Variants in ATXN2 observed in about 807,000 individuals in gnomAD.
ATXN2 encodes ataxin-2.
A neutral mutation model predicts 138.6 loss-of-function variants in ATXN2; 37 were observed. That is an observed-to-expected ratio of 0.27 (90% CI 0.21 to 0.35). The LOEUF is 0.35. Among genes scored for constraint, ATXN2 ranks in the 10% least tolerant of loss-of-function variants. The pLI is 1.00. For missense variants in ATXN2, 1,216 were observed against 1,480.3 expected (o/e 0.82, Z 2.93); for synonymous variants, 549 against 543.7 (o/e 1.01, Z -0.13).
chr12:111,592,414 G>A (rs1884715139), intron 1 of ATXN2, among the ~76,000 whole-genome samples: 1 of 150,946 alleles, frequency 6.6e-6, no homozygotes, highest in Non-Finnish European at 1.5e-5. Context: ...CCCTTAGATG[G>A]TAACAGTAAC....
Position 111,552,692 on chromosome 12 carries a change from C to T in ATXN2, c.420+214G>A, listed in dbSNP as rs1882186113. ...AGAGGAAAAAACAAACCACCACATC[C>T]CTCTATTAGCTCACAATGCTTAAAA... On this transcript the variant is annotated intron_variant, in intron 4 of 24. Coordinates refer to ENST00000673436, the MANE Select transcript of ATXN2 (RefSeq NM_001372574.1). The surrounding 1 kb of genome is among the most constrained non-coding windows in gnomAD (Gnocchi z 4.1). The T allele has an allele frequency of 5.5e-6, 3 of 540,892 alleles. No homozygotes were observed. Among genetic ancestry groups the T allele is most frequent in the Non-Finnish European group, 9.4e-6 (3 of 320,294 alleles). The allele number at this position is 540,892 out of a possible 1,614,324, so 33.5% of individuals were successfully genotyped here. A position where few individuals can be genotyped will look rare whatever the true frequency, so the allele number is the denominator to read the frequency against.
At chr12:111,513,738 T>C (rs1335830640) in intron 10 of ATXN2, among the ~76,000 whole-genome samples, 199 bp from the exon 11 acceptor site, 1 of 151,778 alleles carries the variant, frequency 6.6e-6, no homozygotes, top group African/African-American at 2.4e-5. Context: ...TTTTGTGGAA[T>C]GCCACAAAGT....
At chr12:111,554,253 T>G (rs1184776605) in intron 2 of ATXN2, 36 bp from the exon 3 acceptor site, 2 of 1,276,410 alleles carry the variant, frequency 1.6e-6, no homozygotes, top group Admixed American at 3.1e-5. Flanking sequence ...TATTAGAAAT[T>G]AGTACAAACT....
intron 13 of ATXN2, 97 bp downstream of exon 13, chr12:111,509,791 TAAG>T: frequency 9.8e-7 from 1 of 1,022,708 alleles, no homozygotes. Flanking sequence ...ATCACAATAG[TAAG>T]AAGAAATGTT....
At chr12:111,540,661 T>C (rs1881449586) in intron 5 of ATXN2, among the ~76,000 whole-genome samples, 1 of 150,070 alleles carries the variant, frequency 6.7e-6, no homozygotes, top group East Asian at 1.9e-4. Context: ...TGGCATGTCT[T>C]TTTAAATGTA....
At position 111,493,418 on chromosome 12, in the gene ATXN2, C is replaced by CAAAAAAAA. The variant is rs59185968; in HGVS notation, c.1936-4646_1936-4639dup. Among the ~76,000 whole-genome samples, 266 of 45,626 alleles carry CAAAAAAAA rather than the reference C, an allele frequency of 5.8e-3. 31 individuals are homozygous for CAAAAAAAA. Among genetic ancestry groups the CAAAAAAAA allele is most frequent in the African/African-American group, 0.025 (250 of 10,008 alleles). 29.9% of individuals were successfully genotyped at this position (45,626 alleles called of 152,430 possible). A position where few individuals can be genotyped will look rare whatever the true frequency, so the allele number is the denominator to read the frequency against. The stretch of plus-strand genomic sequence containing the variant: ...CTGGTAACAGAGCATGACTCTGTCT[C>CAAAAAAAA]AAAAAAAAAAAAAAAAAAAAAAAGT... On this transcript the variant is annotated intron_variant, in intron 14 of 24. Coordinates refer to ENST00000673436, the MANE Select transcript of ATXN2 (RefSeq NM_001372574.1).
intron 10 of ATXN2, among the ~76,000 whole-genome samples, chr12:111,515,455 C>G (rs909660315): frequency 7.2e-5 from 11 of 152,142 alleles, no homozygotes; most frequent in African/African-American, 2.4e-4. Flanking sequence ...GCGCCAAATA[C>G]TGAATAAGAA....
intron 1 of ATXN2, among the ~76,000 whole-genome samples, chr12:111,580,247 A>G (rs1883920197): frequency 6.6e-6 from 1 of 151,980 alleles, no homozygotes. Context: ...TTGGGAGGCC[A>G]AGGCAAGAGT....
chr12:111,514,033 G>A (rs574513079), intron 10 of ATXN2, among the ~76,000 whole-genome samples: 2 of 151,578 alleles, frequency 1.3e-5, no homozygotes, highest in African/African-American at 4.8e-5. Context: ...TATACACCCC[G>A]ATACCACTAA....
chr12:111,537,634 G>A (rs1305944603), intron 5 of ATXN2, among the ~76,000 whole-genome samples: 2 of 151,154 alleles, frequency 1.3e-5, no homozygotes, highest in Admixed American at 6.6e-5. Flanking sequence ...CCATTAATAC[G>A]CAATGTCCAG....
intron 5 of ATXN2, among the ~76,000 whole-genome samples, chr12:111,541,120 G>A (rs973887334): frequency 1.3e-5 from 2 of 149,920 alleles, no homozygotes; most frequent in Non-Finnish European, 3.0e-5. Context: ...ATTTGCTCCA[G>A]TGTAGTCTGG....
Position 111,552,476 on chromosome 12 carries a change from A to C in ATXN2, c.421-46T>G. 1.9e-6 allele frequency: 3 copies of C among 1,554,192 alleles called. No homozygotes were observed. In the African/African-American group the frequency reaches 4.2e-5, roughly 22 times the overall value. ...AAGTACTCCAAACCTTTACAAAATA[A>C]AATTTGTTAGGAATTCTTTAGCTCA... On this transcript the variant is annotated intron_variant, in intron 4 of 24. Transcript: ENST00000673436. This position sits in a 1 kb window ranked among gnomAD's most constrained non-coding sequence, Gnocchi z 4.1.
At chr12:111,527,514 CTCT>C (rs895010807) in intron 5 of ATXN2, among the ~76,000 whole-genome samples, 3 of 152,332 alleles carry the variant, frequency 2.0e-5, no homozygotes. Context: ...TAATTCTAAC[CTCT>C]TCTTATCCCA....
chr12:111,470,110 T>C lies in ATXN2; in HGVS notation c.2840A>G (p.Tyr947Cys), dbSNP rs756016863. 3.1e-6 allele frequency: 5 copies of C among 1,613,656 alleles called. No individual in the cohort carries two copies. The highest frequency in any genetic ancestry group is 2.5e-6 in the Non-Finnish European group (3 of 1,179,796). Residue 947 changes from tyrosine to cysteine, a missense_variant and splice_region_variant, in exon 20 of 25, where the codon TAT (tyrosine) becomes TGT (cysteine). Tyr to Cys is a radical substitution (Grantham distance 194). Coordinates refer to ENST00000673436, the MANE Select transcript of ATXN2 (RefSeq NM_001372574.1). ...GAGACAAACAAAGTGCTTCCTACCA[T>C]ACATCGCATGCGTCTGCTCATGAGC... ...YGAHEQTHAMYACPKLPYNKE... is the reference protein window; with the variant it reads ...YGAHEQTHAMCACPKLPYNKE...
At chr12:111,495,439 G>T (rs1403791510) in intron 14 of ATXN2, among the ~76,000 whole-genome samples, 1 of 151,914 alleles carries the variant, frequency 6.6e-6, no homozygotes, top group East Asian at 1.9e-4. Flanking sequence ...GAAAAGAACA[G>T]GAGTAGCTAT....
At chr12:111,455,432 C>T in intron 23 of ATXN2, 1 of 341,316 alleles carries the variant, frequency 2.9e-6, no homozygotes, top group Non-Finnish European at 5.6e-6. Context: ...TCCAGGGCTG[C>T]TCTTAAAGAA....
At position 111,464,683 on chromosome 12, in the gene ATXN2, T is replaced by C. The variant is rs1205897720; in HGVS notation, c.2875A>G (p.Ser959Gly). The C allele has an allele frequency of 6.2e-7, 1 of 1,611,490 alleles. No individual in the cohort carries two copies. The highest frequency in any genetic ancestry group is 2.2e-5 in the East Asian group (1 of 44,770). ...CPKLPYNKET[S>G]PSFYFAISTG... The stretch of plus-strand genomic sequence containing the variant: ...TCACTGGCAAAGTAGAAAGAAGGGC[T>C]TGTCTCCTTGTTGTATGGTAATTTG... Residue 959 changes from serine to glycine, a missense_variant, in exon 21 of 25, where the codon AGC becomes GGC. Physicochemically the swap from Ser to Gly is moderately conservative, Grantham distance 56. Transcript: ENST00000673436.
At chr12:111,520,299 T>C (rs1234033295) in intron 7 of ATXN2, among the ~76,000 whole-genome samples, 1 of 152,240 alleles carries the variant, frequency 6.6e-6, no homozygotes, top group Non-Finnish European at 1.5e-5. Flanking sequence ...TTTCAAAAAC[T>C]GGTTAAACTG....
At chr12:111,582,558 T>C (rs893183651) in intron 1 of ATXN2, among the ~76,000 whole-genome samples, 1 of 152,108 alleles carries the variant, frequency 6.6e-6, no homozygotes, top group Non-Finnish European at 1.5e-5. Flanking sequence ...CAATAAGCCA[T>C]GATCACAATA....
Sources: allele counts gnomAD v4.1 joint callset (sites outside exome capture counted in the v4.1 genomes callset), GRCh38; gene constraint gnomAD v4.1.1; non-coding constraint Gnocchi (gnomAD v3.1); transcripts MANE v1.5; gene names NCBI Gene and HGNC (gene_info 2026-07-23, HGNC 2026-07-21).